The following SZT2 variants were observed in gnomAD, a reference collection of about 807,000 sequenced individuals.
SZT2 encodes KICSTOR complex protein SZT2.
SZT2 carries 216 observed loss-of-function variants against 404.2 expected under a neutral mutation model. That is an observed-to-expected ratio of 0.53 (90% CI 0.48 to 0.60). The LOEUF is 0.60. Among genes scored for constraint, SZT2 ranks in the 20% least tolerant of loss-of-function variants. The probability of loss-of-function intolerance (pLI) is 0.00; values close to 1 mark genes in which losing one functional copy is unlikely to be tolerated. For missense variants in SZT2, 3,857 were observed against 4,459.2 expected (o/e 0.86, Z 3.85); for synonymous variants, 1,693 against 1,749.9 (o/e 0.97, Z 0.81).
Position 43,430,639 on chromosome 1 carries a change from G to A in SZT2, c.4624G>A (p.Asp1542Asn), listed in dbSNP as rs764211945. 5.0e-6 allele frequency: 8 copies of A among 1,614,082 alleles called. No individual in the cohort carries two copies. Among genetic ancestry groups the A allele is most frequent in the Admixed American group, 3.3e-5 (2 of 60,010 alleles). ...CGTAGACACTGTGAATCCTGATGAA[G>A]ACTCCTTCAGTATCTTGGGGGGCGA... Reference protein sequence around the residue: ...SDVDTVNPDEDSFSILGGDSP... With the variant: ...SDVDTVNPDENSFSILGGDSP... The change falls in exon 32 of 72, where the codon GAC (aspartate) becomes AAC (asparagine). Residue 1542 changes from aspartate (D) to asparagine (N), a missense_variant. Physicochemically the swap from Asp to Asn is conservative, Grantham distance 23. Around this residue, in one of 7 missense-constraint regions of SZT2, gnomAD observed 1,725 missense variants for 1,881.0 expected, o/e 0.92. Transcript: ENST00000634258.
chr1:43,449,313 A>G, intron 70 of SZT2: 1 of 161,526 alleles, frequency 6.2e-6, no homozygotes, highest in Non-Finnish European at 1.4e-5. Flanking sequence ...GAGGTTCAAG[A>G]GAGGAGGCAT....
intron 1 of SZT2, among the ~76,000 whole-genome samples, chr1:43,391,132 T>A (rs1467256220): frequency 6.6e-6 from 1 of 152,110 alleles, no homozygotes; most frequent in East Asian, 1.9e-4. Context: ...CTGACCAACA[T>A]GGAGAAAGCC....
intron 61 of SZT2, 54 bp downstream of exon 61, chr1:43,443,531 C>T (rs1655317663): frequency 1.2e-6 from 2 of 1,613,460 alleles, no homozygotes; most frequent in East Asian, 2.2e-5. Flanking sequence ...ACAGTGACCC[C>T]CCTCCTCCAT....
rs748883457 is a variant in SZT2 at position 43,446,035 on chromosome 1, G to T, written c.8916+51G>T. Reference sequence around the variant, plus strand: ...TACTGATGCTAAATTACTTTCCCACGGCCTGAGGTCATTGACCCTGAGTGA... The same window carrying T: ...TACTGATGCTAAATTACTTTCCCACTGCCTGAGGTCATTGACCCTGAGTGA... On this transcript the variant is annotated intron_variant, in intron 63 of 71. Coordinates refer to ENST00000634258, the MANE Select transcript of SZT2 (RefSeq NM_001365999.1). The T allele has an allele frequency of 1.6e-4, 257 of 1,600,646 alleles. 1 individual carries two copies. The highest frequency in any genetic ancestry group is 2.1e-4 in the Non-Finnish European group (250 of 1,169,002).
In SZT2 at chr1:43,452,668, C is replaced by G; in HGVS notation, c.*2188C>G. 1.7e-6 allele frequency: 1 copy of G among 602,966 alleles called. No homozygotes were observed. The highest frequency in any genetic ancestry group is 2.8e-5 in the East Asian group (1 of 36,064). The allele number at this position is 602,966 out of a possible 1,614,324, so 37.4% of individuals were successfully genotyped here. ...TCTCAGGTATTCCATGCTGCTGTCTCTACTTCCTCTCCTCGCATCTACTTA... is the reference window on the plus strand; with the variant it reads ...TCTCAGGTATTCCATGCTGCTGTCTGTACTTCCTCTCCTCGCATCTACTTA... On this transcript the variant is annotated 3_prime_UTR_variant, in exon 72 of 72. Transcript: ENST00000634258.
rs376671463 is a variant in SZT2 at position 43,431,651 on chromosome 1, C to T, written c.5089-65C>T. On this transcript the variant is annotated intron_variant, in intron 35 of 71. Transcript: ENST00000634258. ...CTGTGAGGCAAATTATCTTCTAGTCCGGGAGTAAGGGGATGCCCAAGGAAG... is the reference window on the plus strand; with the variant it reads ...CTGTGAGGCAAATTATCTTCTAGTCTGGGAGTAAGGGGATGCCCAAGGAAG... 1,377 of 1,602,090 alleles carry T rather than the reference C, an allele frequency of 8.6e-4. 23 individuals carry two copies. In the South Asian group the frequency reaches 0.014, roughly 16 times the overall value.
chr1:43,445,034 G>C (rs1570729003), intron 62 of SZT2, among the ~76,000 whole-genome samples: 1 of 152,254 alleles, frequency 6.6e-6, no homozygotes, highest in South Asian at 2.1e-4. Flanking sequence ...TCAGAGGCCA[G>C]GCTGGCCCCT....
At chr1:43,404,197 AC>A in intron 3 of SZT2, 182 bp from the exon 4 acceptor site, 1 of 594,692 alleles carries the variant, frequency 1.7e-6, no homozygotes, top group South Asian at 2.3e-5. Flanking sequence ...ACAAAGCAAG[AC>A]CCTGGTTTTG....
At position 43,448,713 on chromosome 1, in the gene SZT2, G is replaced by C; in HGVS notation, c.10071G>C (p.Leu3357Phe). ...QSCRHFQSPD[L>F]GTQYLVVLNQ... The stretch of plus-strand genomic sequence containing the variant: ...GTCGCCATTTCCAAAGCCCAGACTT[G>C]GGAACTCAGTACCTGGTAAGTCCCC... The change falls in exon 70 of 72, where the codon TTG becomes TTC. Residue 3357 changes from leucine to phenylalanine, a missense_variant. Physicochemically the swap from Leu to Phe is conservative, Grantham distance 22. Around this residue, in one of 7 missense-constraint regions of SZT2, gnomAD observed 717 missense variants for 868.2 expected, o/e 0.83. Coordinates refer to ENST00000634258, the MANE Select transcript of SZT2 (RefSeq NM_001365999.1). This position sits in a 1 kb window ranked among gnomAD's most constrained non-coding sequence, Gnocchi z 4.2. 2.5e-6 allele frequency: 4 copies of C among 1,614,122 alleles called. No individual in the cohort carries two copies. The highest frequency in any genetic ancestry group is 3.4e-6 in the Non-Finnish European group (4 of 1,179,998).
Position 43,446,344 on chromosome 1 carries a change from C to A in SZT2, c.9000C>A (p.Gly3000=). 1 of 1,614,268 alleles carries A rather than the reference C, an allele frequency of 6.2e-7. No individual in the cohort carries two copies. The highest frequency in any genetic ancestry group is 2.2e-5 in the East Asian group (1 of 44,882). ...TCTCATCTTCACCTTCCCTCCAGGG[C>A]TGTTACTTCTGTGTCAAACAGTTTG... is the stretch of plus-strand genomic sequence containing the variant. ...GIILMELAFQ[G]CYFCVKQFAL... is the part of the protein sequence containing the mutation. The change falls in exon 65 of 72, where the codon GGC becomes GGA. Residue 3000 remains glycine, a splice_region_variant and synonymous_variant. Coordinates refer to ENST00000634258, the MANE Select transcript of SZT2 (RefSeq NM_001365999.1).
chr1:43,453,381 G>C lies in SZT2; in HGVS notation c.*2901G>C. ...CAGGGGTGGGGGTGGGGTGGAGCGG[G>C]GTACCTGGGACAGCCCAGGGCTTTG... is the stretch of plus-strand genomic sequence containing the variant. On this transcript the variant is annotated 3_prime_UTR_variant, in exon 72 of 72. Transcript: ENST00000634258. The C allele has an allele frequency of 6.5e-7, 1 of 1,539,420 alleles. No homozygotes were observed. The highest frequency in any genetic ancestry group is 8.8e-7 in the Non-Finnish European group (1 of 1,137,058).
Position 43,425,397 on chromosome 1 carries a change from G to C in SZT2, c.2646-77G>C. 6.3e-7 allele frequency: 1 copy of C among 1,587,750 alleles called. No individual in the cohort carries two copies. The highest frequency in any genetic ancestry group is 8.6e-7 in the Non-Finnish European group (1 of 1,163,838). The stretch of plus-strand genomic sequence containing the variant: ...TGTATGACTCGTGGCTGTCCTCTGT[G>C]CCTGCCTCCTTCCCTCCATGAGGTT... On this transcript the variant is annotated intron_variant, in intron 18 of 71. Transcript: ENST00000634258. The surrounding 1 kb of genome is among the most constrained non-coding windows in gnomAD (Gnocchi z 4.3).
intron 4 of SZT2, among the ~76,000 whole-genome samples, chr1:43,409,229 C>G (rs1266620192): frequency 6.6e-6 from 1 of 152,104 alleles, no homozygotes; most frequent in Non-Finnish European, 1.5e-5. Context: ...GGGGTGCTTT[C>G]AGAGAGTTAG....
chr1:43,431,551 C>T (rs2153934035), intron 35 of SZT2, 28 bp downstream of exon 35: 1 of 1,613,708 alleles, frequency 6.2e-7, no homozygotes, highest in Admixed American at 1.7e-5. Context: ...AACACTGTAA[C>T]TGATTCCCTT....
chr1:43,447,913 G>C lies in SZT2; in HGVS notation c.9505G>C (p.Val3169Leu). 2 of 1,614,060 alleles carry C rather than the reference G, an allele frequency of 1.2e-6. No individual in the cohort carries two copies. The highest frequency in any genetic ancestry group is 1.7e-6 in the Non-Finnish European group (2 of 1,180,016). Residue 3169 changes from valine (V) to leucine (L), a missense_variant, in exon 68 of 72, where the codon GTC becomes CTC. Val to Leu is a conservative substitution (Grantham distance 32). Around this residue, in one of 7 missense-constraint regions of SZT2, gnomAD observed 717 missense variants for 868.2 expected, o/e 0.83. Coordinates refer to ENST00000634258, the MANE Select transcript of SZT2 (RefSeq NM_001365999.1). ...GGATGACTTTGATGTGTCTCTGCTTGTCTGTCACTGTGCTGCACCCTTTGA... is the reference window on the plus strand; with the variant it reads ...GGATGACTTTGATGTGTCTCTGCTTCTCTGTCACTGTGCTGCACCCTTTGA... ...HQDDFDVSLLVCHCAAPFEEQ... is the reference protein window; with the variant it reads ...HQDDFDVSLLLCHCAAPFEEQ...
intron 1 of SZT2, among the ~76,000 whole-genome samples, chr1:43,390,877 G>C (rs839756): frequency 0.66 from 99,855 of 152,124 alleles, 32,968 homozygotes; most frequent in African/African-American, 0.69. Flanking sequence ...TATAATGATA[G>C]AAATAGTATT....
At chr1:43,430,192 T>C in intron 30 of SZT2, 89 bp downstream of exon 30, 1 of 1,567,536 alleles carries the variant, frequency 6.4e-7, no homozygotes, top group African/African-American at 1.4e-5. Context: ...GAGGCCTGGA[T>C]GTGGCTCTTG....
rs545095208 is a variant in SZT2 at position 43,448,602 on chromosome 1, C to T, written c.9970-10C>T. The T allele has an allele frequency of 2.5e-6, 4 of 1,613,814 alleles. No individual in the cohort carries two copies. The highest frequency in any genetic ancestry group is 1.3e-5 in the African/African-American group (1 of 75,028). On this transcript the variant is annotated splice_polypyrimidine_tract_variant and intron_variant, in intron 69 of 71. Coordinates refer to ENST00000634258, the MANE Select transcript of SZT2 (RefSeq NM_001365999.1). The surrounding 1 kb of genome is among the most constrained non-coding windows in gnomAD (Gnocchi z 4.2). ...GCACAGAAGACTCAGGCCTGTGGCTCCTCCCTCAGGACTGCTTCCTATCCA... is the reference window on the plus strand; with the variant it reads ...GCACAGAAGACTCAGGCCTGTGGCTTCTCCCTCAGGACTGCTTCCTATCCA...
At position 43,431,488 on chromosome 1, in the gene SZT2, C is replaced by A; in HGVS notation, c.5053C>A (p.Pro1685Thr). Residue 1685 changes from proline to threonine, a missense_variant, in exon 35 of 72, where the codon CCC becomes ACC. Physicochemically the swap from Pro to Thr is conservative, Grantham distance 38. Coordinates refer to ENST00000634258, the MANE Select transcript of SZT2 (RefSeq NM_001365999.1). The part of the protein sequence containing the change: ...RHPGLSNLAT[P>T]HRLAIETTMN... The stretch of plus-strand genomic sequence containing the variant: ...CCCAGGACTATCCAATTTGGCCACG[C>A]CCCACAGACTGGCTATTGAGACCAC... The A allele has an allele frequency of 6.2e-7, 1 of 1,614,168 alleles. No individual in the cohort carries two copies. The highest frequency in any genetic ancestry group is 1.1e-5 in the South Asian group (1 of 91,084).
Sources: allele counts gnomAD v4.1 joint callset (sites outside exome capture counted in the v4.1 genomes callset), GRCh38; gene constraint gnomAD v4.1.1; regional missense constraint gnomAD v4.1.1; non-coding constraint Gnocchi (gnomAD v3.1); transcripts MANE v1.5; gene names NCBI Gene and HGNC (gene_info 2026-07-23, HGNC 2026-07-21).